The following BRPF1 variants were observed in gnomAD, a reference collection of about 807,000 sequenced individuals.
The protein encoded by BRPF1 is bromodomain and PHD finger containing 1.
In BRPF1, 15 loss-of-function variants were observed where a neutral mutation model predicts 115.0. That is an observed-to-expected ratio of 0.13 (90% CI 0.09 to 0.20). The LOEUF is 0.20. Ranked by LOEUF, BRPF1 falls within the 10% of genes least tolerant of loss-of-function variation. The pLI is 1.00. For missense variants in BRPF1, 1,118 were observed against 1,638.3 expected, an observed-to-expected ratio of 0.68 and a Z score of 5.48; for synonymous variants, 647 against 619.8, an observed-to-expected ratio of 1.04 and a Z score of -0.65.
In BRPF1 at chr3:9,734,036, C is replaced by G. The variant is rs2076898039; in HGVS notation, c.-10-95C>G. 3.3e-6 allele frequency: 5 copies of G among 1,504,100 alleles called. No individual in the cohort carries two copies. The highest frequency in any genetic ancestry group is 1.4e-5 in the South Asian group (1 of 73,804). The allele number at this position is 1,504,100 out of a possible 1,614,324, so 93.2% of individuals were successfully genotyped here. Reference sequence around the variant, plus strand: ...GTAGGCTGGCCAGAATCTGGTGACTCCAAGTGAGGGGGAGGGCTAGAAAGA... The same window carrying G: ...GTAGGCTGGCCAGAATCTGGTGACTGCAAGTGAGGGGGAGGGCTAGAAAGA... On this transcript the variant is annotated intron_variant, in intron 1 of 13. Transcript: ENST00000383829. The surrounding 1 kb of genome is among the most constrained non-coding windows in gnomAD (Gnocchi z 5.7).
chr3:9,745,072 T>C lies in BRPF1; in HGVS notation c.2985T>C (p.Arg995=). 6.2e-7 allele frequency: 1 copy of C among 1,614,248 alleles called. No homozygotes were observed. The highest frequency in any genetic ancestry group is 8.5e-7 in the Non-Finnish European group (1 of 1,180,044). The change falls in exon 10 of 14, where the codon CGT becomes CGC. Residue 995 remains arginine (R), a synonymous_variant. Transcript: ENST00000383829. This position sits in a 1 kb window ranked among gnomAD's most constrained non-coding sequence, Gnocchi z 5.1. ...TGAAGAAGAGTTTCTTGGTATACCG[T>C]AATGACTGCAGCCTTCCCCGGAGCA... is the stretch of plus-strand genomic sequence containing the variant. The part of the protein sequence containing the change: ...QPVKKSFLVY[R]NDCSLPRSSS...
chr3:9,743,623 T>G lies in BRPF1; in HGVS notation c.2357T>G (p.Leu786Arg). 1 of 1,613,830 alleles carries G rather than the reference T, an allele frequency of 6.2e-7. No individual in the cohort carries two copies. The highest frequency in any genetic ancestry group is 8.5e-7 in the Non-Finnish European group (1 of 1,179,982). ...GTCTTGCTGGAGAACCAGAAGCACC[T>G]GCCAGTGGAAGAACAGCTAAAGCTG... Reference protein sequence around the residue: ...RLVLLENQKHLPVEEQLKLLL... With the variant: ...RLVLLENQKHRPVEEQLKLLL... Residue 786 changes from leucine to arginine, a missense_variant, in exon 8 of 14, where the codon CTG becomes CGG. Leu to Arg is a moderately radical substitution (Grantham distance 102). This residue lies in a region of BRPF1 where 223 missense variants were observed against 240.7 expected (regional missense o/e 0.93). Transcript: ENST00000383829. The surrounding 1 kb of genome is among the most constrained non-coding windows in gnomAD (Gnocchi z 6.1).
chr3:9,738,967 A>T, intron 2 of BRPF1, 32 bp from the exon 3 acceptor site: 1 of 1,522,702 alleles, frequency 6.6e-7, no homozygotes, highest in Non-Finnish European at 8.8e-7. Context: ...AATCTCAACC[A>T]TGTGATGCTG....
At chr3:9,742,864 CA>C (rs1313905811) in intron 6 of BRPF1, 79 bp from the exon 7 acceptor site, 1 of 1,468,020 alleles carries the variant, frequency 6.8e-7, no homozygotes, top group Non-Finnish European at 9.3e-7. Context: ...GGATGTGTTT[CA>C]GGGGGGCTTG....
At chr3:9,736,616 C>T (rs997981391) in intron 2 of BRPF1, among the ~76,000 whole-genome samples, 1 of 152,212 alleles carries the variant, frequency 6.6e-6, no homozygotes, top group Non-Finnish European at 1.5e-5. Context: ...GCTTTTCTTC[C>T]TCCCTCCACT....
At chr3:9,742,556 G>A (rs1056084140) in intron 6 of BRPF1, 1 of 984,962 alleles carries the variant, frequency 1.0e-6, no homozygotes, top group Non-Finnish European at 1.2e-6. Context: ...AAAATGAGAG[G>A]CCTGAGGCAG....
At position 9,744,466 on chromosome 3, in the gene BRPF1, T is replaced by C; in HGVS notation, c.2878T>C (p.Ser960Pro). 1 of 1,577,366 alleles carries C rather than the reference T, an allele frequency of 6.3e-7. No homozygotes were observed. Among genetic ancestry groups the C allele is most frequent in the Non-Finnish European group, 8.6e-7 (1 of 1,163,016 alleles). Residue 960 changes from serine to proline, a missense_variant, in exon 9 of 14, where the codon TCA becomes CCA. Coordinates refer to ENST00000383829, the MANE Select transcript of BRPF1 (RefSeq NM_001003694.2). ...TAGGAGCCCCCGGCCCAGTTCGAGC[T>C]CAGACAGCGACAGTGATAAGTCCAC... ...RGRSPRPSSSSDSDSDKSTED... is the reference protein window; with the variant it reads ...RGRSPRPSSSPDSDSDKSTED...
At position 9,743,166 on chromosome 3, in the gene BRPF1, G is replaced by A; in HGVS notation, c.2224G>A (p.Ala742Thr). ...TGTGCTCCGCCAGGCCCGGCGCCAG[G>A]CAGAAAAAATGGGCATTGACTTTGA... ...GAVLRQARRQ[A>T]EKMGIDFETG... The change falls in exon 7 of 14, where the codon GCA becomes ACA. Residue 742 changes from alanine (A) to threonine (T), a missense_variant. Coordinates refer to ENST00000383829, the MANE Select transcript of BRPF1 (RefSeq NM_001003694.2). This position sits in a 1 kb window ranked among gnomAD's most constrained non-coding sequence, Gnocchi z 6.1. 1 of 1,614,248 alleles carries A rather than the reference G, an allele frequency of 6.2e-7. No individual in the cohort carries two copies. The highest frequency in any genetic ancestry group is 8.5e-7 in the Non-Finnish European group (1 of 1,180,044).
chr3:9,734,887 A>C lies in BRPF1; in HGVS notation c.599+148A>C. The stretch of plus-strand genomic sequence containing the variant: ...TTGCCAGGGCAGTGAGTGGAATGGT[A>C]CGCCACTAATGCACTTACTCTACAG... On this transcript the variant is annotated intron_variant, in intron 2 of 13. Coordinates refer to ENST00000383829, the MANE Select transcript of BRPF1 (RefSeq NM_001003694.2). The surrounding 1 kb of genome is among the most constrained non-coding windows in gnomAD (Gnocchi z 5.7). The C allele has an allele frequency of 2.1e-6, 2 of 938,896 alleles. No homozygotes were observed. The highest frequency in any genetic ancestry group is 3.2e-6 in the Non-Finnish European group (2 of 631,722). 58.2% of individuals were successfully genotyped at this position (938,896 alleles called of 1,614,324 possible).
In BRPF1 at chr3:9,745,232, TG is replaced by T; in HGVS notation, c.3068+79del. 1 of 1,519,404 alleles carries T rather than the reference TG, an allele frequency of 6.6e-7. No homozygotes were observed. Among genetic ancestry groups the T allele is most frequent in the Non-Finnish European group, 8.8e-7 (1 of 1,134,462 alleles). The allele number at this position is 1,519,404 out of a possible 1,614,324, so 94.1% of individuals were successfully genotyped here. ...CTTGGGCCTGTGTAGGTTTCCCTGT[TG>T]GAAGTGGGGTGGCAGCCATCTCAGT... On this transcript the variant is annotated intron_variant, in intron 10 of 13. Transcript: ENST00000383829. The surrounding 1 kb of genome is among the most constrained non-coding windows in gnomAD (Gnocchi z 5.1).
Position 9,743,401 on chromosome 3 carries a change from C to A in BRPF1, c.2311+148C>A. On this transcript the variant is annotated intron_variant, in intron 7 of 13. Transcript: ENST00000383829. This position sits in a 1 kb window ranked among gnomAD's most constrained non-coding sequence, Gnocchi z 6.1. ...ATCCCCAGGAATGCTCCCCAAGAAG[C>A]CAGACTGGGTGAATGGATAGCAGTG... The A allele has an allele frequency of 8.0e-7, 1 of 1,256,046 alleles. No homozygotes were observed. Among genetic ancestry groups the A allele is most frequent in the Non-Finnish European group, 1.1e-6 (1 of 916,648 alleles). 77.8% of individuals were successfully genotyped at this position (1,256,046 alleles called of 1,614,324 possible). A position where few individuals can be genotyped will look rare whatever the true frequency, so the allele number is the denominator to read the frequency against.
rs201973325 is a variant in BRPF1, at chr3:9,746,494, T to C, written c.3479+40T>C. 2.4e-5 allele frequency: 37 copies of C among 1,514,218 alleles called. No homozygotes were observed. In the Admixed American group the frequency reaches 7.3e-4, roughly 30 times the overall value. The allele number at this position is 1,514,218 out of a possible 1,614,324, so 93.8% of individuals were successfully genotyped here. A position where few individuals can be genotyped will look rare whatever the true frequency, so the allele number is the denominator to read the frequency against. ...ATTTGGTGTGACTCACAGCCACAGA[T>C]GCAGCCCTGTGTGGTATGGGGGCAG... On this transcript the variant is annotated intron_variant, in intron 13 of 13. Transcript: ENST00000383829.
intron 4 of BRPF1, 81 bp downstream of exon 4, chr3:9,741,022 T>C: frequency 3.5e-6 from 5 of 1,439,186 alleles, no homozygotes; most frequent in South Asian, 1.2e-5. Flanking sequence ...TAGTTTCCAG[T>C]GTCAGAGGGC....
At position 9,744,385 on chromosome 3, in the gene BRPF1, C is replaced by G; in HGVS notation, c.2797C>G (p.Pro933Ala). The stretch of plus-strand genomic sequence containing the variant: ...GATGACCCCCAGCCACGGAGGCAGT[C>G]CTGTGGGGCCCCCCCAGCTCCCCAT... ...SQMTPSHGGSPVGPPQLPIMS... is the reference protein window; with the variant it reads ...SQMTPSHGGSAVGPPQLPIMS... Residue 933 changes from proline to alanine, a missense_variant, in exon 9 of 14, where the codon CCT (proline) becomes GCT (alanine). Pro to Ala is a conservative substitution (Grantham distance 27). Transcript: ENST00000383829. The G allele has an allele frequency of 6.2e-7, 1 of 1,612,330 alleles. No homozygotes were observed. The highest frequency in any genetic ancestry group is 8.5e-7 in the Non-Finnish European group (1 of 1,179,206).
Position 9,745,992 on chromosome 3 carries a change from A to C in BRPF1, c.3324+62A>C. Reference sequence around the variant, plus strand: ...CCCAGAATACAGATTCACAGTTAGCAGACTTTTCCTACTCCCTGCTGAGCT... The same window carrying C: ...CCCAGAATACAGATTCACAGTTAGCCGACTTTTCCTACTCCCTGCTGAGCT... On this transcript the variant is annotated intron_variant, in intron 12 of 13. Transcript: ENST00000383829. The surrounding 1 kb of genome is among the most constrained non-coding windows in gnomAD (Gnocchi z 5.1). 1 of 1,540,378 alleles carries C rather than the reference A, an allele frequency of 6.5e-7. No individual in the cohort carries two copies.
In BRPF1 at chr3:9,739,921, G is replaced by A. The variant is rs1294418822; in HGVS notation, c.1522G>A (p.Ala508Thr). The change falls in exon 3 of 14, where the codon GCA becomes ACA. Residue 508 changes from alanine (A) to threonine (T), a missense_variant. By Grantham distance (58) the Ala-to-Thr change is moderately conservative. Coordinates refer to ENST00000383829, the MANE Select transcript of BRPF1 (RefSeq NM_001003694.2). Reference protein sequence around the residue: ...RKILAEKRAAAPVVSVPCIPP... With the variant: ...RKILAEKRAATPVVSVPCIPP... Reference sequence around the variant, plus strand: ...GATCCTGGCAGAGAAGCGGGCAGCAGCACCTGTGGTGTCAGTGCCCTGCAT... The same window carrying A: ...GATCCTGGCAGAGAAGCGGGCAGCAACACCTGTGGTGTCAGTGCCCTGCAT... 1 of 1,581,178 alleles carries A rather than the reference G, an allele frequency of 6.3e-7. No homozygotes were observed. Among genetic ancestry groups the A allele is most frequent in the African/African-American group, 1.3e-5 (1 of 74,816 alleles).
Position 9,739,193 on chromosome 3 carries a change from A to C in BRPF1, c.794A>C (p.Asp265Ala), listed in dbSNP as rs751170119. ...ESYFESHNKG[D>A]PNALVDEDAV... ...TACTTTGAGAGTCATAATAAAGGCG[A>C]CCCTAATGCGCTAGTGGACGAGGAT... is the stretch of plus-strand genomic sequence containing the variant. The change falls in exon 3 of 14, where the codon GAC becomes GCC. Residue 265 changes from aspartate (D) to alanine (A), a missense_variant. Physicochemically the swap from Asp to Ala is moderately radical, Grantham distance 126 (BLOSUM62 -2). Coordinates refer to ENST00000383829, the MANE Select transcript of BRPF1 (RefSeq NM_001003694.2). 6.2e-7 allele frequency: 1 copy of C among 1,613,796 alleles called. No homozygotes were observed. The highest frequency in any genetic ancestry group is 1.1e-5 in the South Asian group (1 of 91,056).
chr3:9,744,023 CT>C, intron 8 of BRPF1, 122 bp downstream of exon 8: 1 of 1,341,716 alleles, frequency 7.5e-7, no homozygotes. Flanking sequence ...TACTTTCTCC[CT>C]CATTCCCCAA....
rs565504614 is a variant in BRPF1 at position 9,746,335 on chromosome 3, C to G, written c.3360C>G (p.Phe1120Leu). Residue 1120 changes from phenylalanine (F) to leucine (L), a missense_variant, in exon 13 of 14, where the codon TTC (phenylalanine) becomes TTG (leucine). By Grantham distance (22) the Phe-to-Leu change is conservative (BLOSUM62 0). Coordinates refer to ENST00000383829, the MANE Select transcript of BRPF1 (RefSeq NM_001003694.2). ...CAAAGATGCCCCGAGAAGGTATGTT[C>G]CACCATGGGGTTCCCATCCCTGTGC... ...IDPKMPREGMFHHGVPIPVPP... is the reference protein window; with the variant it reads ...IDPKMPREGMLHHGVPIPVPP... The G allele has an allele frequency of 4.4e-6, 7 of 1,593,044 alleles. No homozygotes were observed. In the South Asian group the frequency reaches 7.8e-5, roughly 18 times the overall value.
Sources: allele counts gnomAD v4.1 joint callset (sites outside exome capture counted in the v4.1 genomes callset), GRCh38; gene constraint gnomAD v4.1.1; regional missense constraint gnomAD v4.1.1; non-coding constraint Gnocchi (gnomAD v3.1); transcripts MANE v1.5; gene names NCBI Gene and HGNC (gene_info 2026-07-23, HGNC 2026-07-21).